LONRF3: variants seen among roughly 807,000 people sequenced by gnomAD.
The protein encoded by LONRF3 is LON peptidase N-terminal domain and RING finger protein 3.
In LONRF3, 19 loss-of-function variants were observed where a neutral mutation model predicts 51.7. That is an observed-to-expected ratio of 0.37 (90% CI 0.26 to 0.54). The LOEUF is 0.54. Among genes scored for constraint, LONRF3 ranks in the 20% least tolerant of loss-of-function variants. LONRF3 has a pLI of 0.86. For synonymous variants in LONRF3, 265 were observed against 257.8 expected (o/e 1.03, Z -0.27); for missense variants, 521 against 623.9 (o/e 0.84, Z 1.76).
chrX:118,991,139 A>G (rs768384375), intron 5 of LONRF3, among the ~76,000 whole-genome samples: 2 of 111,730 alleles, frequency 1.8e-5, no homozygotes, highest in Non-Finnish European at 3.8e-5. Context: ...ATTACAGGCC[A>G]CTGCACCCAG....
Position 118,975,067 on chromosome X carries a change from G to T in LONRF3, c.287G>T (p.Arg96Leu). ...GAGGTGTATAGACAGCTCTCCGAGC[G>T]GCAGCAGCTGGTGGCTGAGCAGCTG... Reference protein sequence around the residue: ...ALEVYRQLSERQQLVAEQLEQ... With the variant: ...ALEVYRQLSELQQLVAEQLEQ... Residue 96 changes from arginine to leucine, a missense_variant, in exon 1 of 11, where the codon CGG (arginine) becomes CTG (leucine). Arg to Leu is a moderately radical substitution (Grantham distance 102, BLOSUM62 -2). This residue lies in a region of LONRF3 where 376 missense variants were observed against 376.7 expected (regional missense o/e 1.00). Transcript: ENST00000371628. 8.5e-7 allele frequency: 1 copy of T among 1,174,152 alleles called. No individual in the cohort carries two copies. The highest frequency in any genetic ancestry group is 1.1e-6 in the Non-Finnish European group (1 of 877,040).
Position 119,006,136 on chromosome X carries a change from A to G in LONRF3, c.1431A>G (p.Pro477=). 8.5e-7 allele frequency: 1 copy of G among 1,176,954 alleles called. No individual in the cohort carries two copies. Residue 477 remains proline (P), a synonymous_variant, in exon 6 of 11, where the codon CCA becomes CCG. Coordinates refer to ENST00000371628, the MANE Select transcript of LONRF3 (RefSeq NM_001031855.3). ...CALCMRLFYE[P]VTTPCGHTFC... is the part of the protein sequence containing the mutation. ...TAAATTTCAGATTATTCTATGAGCC[A>G]GTCACAACACCTTGCGGGCATACTT...
At chrX:118,981,966 C>T (rs745526071) in intron 2 of LONRF3, among the ~76,000 whole-genome samples, 1 of 111,766 alleles carries the variant, frequency 8.9e-6, no homozygotes, top group South Asian at 3.7e-4. Context: ...AAGTGAAATG[C>T]TCTTCAAGCC....
chrX:118,996,263 G>A (rs1923860423), intron 5 of LONRF3, among the ~76,000 whole-genome samples: 1 of 111,291 alleles, frequency 9.0e-6, no homozygotes, highest in Admixed American at 9.6e-5. Context: ...ACAAGACAAG[G>A]ATGCCCACTC....
At chrX:118,987,473 T>TTTTTTTTTG (rs1923091035) in intron 3 of LONRF3, among the ~76,000 whole-genome samples, 3 of 94,151 alleles carry the variant, frequency 3.2e-5, no homozygotes, top group Non-Finnish European at 4.2e-5. Context: ...TTTTTTTTTT[T>TTTTTTTTTG]GTAGAGACGG....
chrX:119,006,250 C>G lies in LONRF3; in HGVS notation c.1530+15C>G, dbSNP rs1482045056. 1 of 1,070,507 alleles carries G rather than the reference C, an allele frequency of 9.3e-7. No individual in the cohort carries two copies. The allele number at this position is 1,070,507 out of a possible 1,213,427, so 88.2% of individuals were successfully genotyped here. A position where few individuals can be genotyped will look rare whatever the true frequency, so the allele number is the denominator to read the frequency against. On this transcript the variant is annotated intron_variant, in intron 6 of 10. Coordinates refer to ENST00000371628, the MANE Select transcript of LONRF3 (RefSeq NM_001031855.3). ...GTCTTTCACAGGTAAATCAATATTTCTTTCTTGTTTGGTTTAAATCAGTAT... is the reference window on the plus strand; with the variant it reads ...GTCTTTCACAGGTAAATCAATATTTGTTTCTTGTTTGGTTTAAATCAGTAT...
intron 5 of LONRF3, among the ~76,000 whole-genome samples, chrX:118,993,060 C>A (rs756500930): frequency 5.9e-4 from 65 of 110,945 alleles, no homozygotes; most frequent in Admixed American, 9.6e-4. Context: ...AGAGCCTACC[C>A]AAATGAGAAG....
Position 118,989,464 on chromosome X carries a change from T to G in LONRF3, c.1116T>G (p.Asp372Glu), listed in dbSNP as rs758213769. Residue 372 changes from aspartate (D) to glutamate (E), a missense_variant, in exon 4 of 11, where the codon GAT becomes GAG. Physicochemically the swap from Asp to Glu is conservative, Grantham distance 45 (BLOSUM62 2). This residue lies in a region of LONRF3 where 376 missense variants were observed against 376.7 expected (regional missense o/e 1.00). Transcript: ENST00000371628. ...AGGAGGAAGCAGCAGCCAGGGGAGA[T>G]GGCAGCAGTCTGATGGACCCAGCTA... ...SSQEEAAARG[D>E]GSSLMDPAKV... The G allele has an allele frequency of 6.6e-6, 8 of 1,210,926 alleles. No homozygotes were observed. In the Admixed American group the frequency reaches 1.7e-4, roughly 26 times the overall value.
chrX:119,017,435 A>G (rs767138018), intron 10 of LONRF3, 100 bp from the exon 11 acceptor site: 42 of 818,095 alleles, frequency 5.1e-5, no homozygotes, highest in Non-Finnish European at 6.8e-5. Flanking sequence ...TGCCACATGG[A>G]GTTGTTCTAC....
chrX:118,990,757 T>A (rs928102845), intron 5 of LONRF3, among the ~76,000 whole-genome samples, 197 bp downstream of exon 5: 1 of 112,008 alleles, frequency 8.9e-6, no homozygotes, highest in African/African-American at 3.2e-5. Flanking sequence ...CATTCCTGGC[T>A]CCTGACTTGG....
At chrX:118,982,743 C>T (rs41304512) in intron 2 of LONRF3, 78 bp from the exon 3 acceptor site, 20,185 of 1,133,769 alleles carry the variant, frequency 0.018, 148 homozygotes, top group Non-Finnish European at 0.019. Flanking sequence ...ACAGTGAGTG[C>T]TGTGGGTTAG....
intron 3 of LONRF3, among the ~76,000 whole-genome samples, chrX:118,983,517 G>T (rs1468868023): frequency 8.9e-6 from 1 of 112,456 alleles, no homozygotes; most frequent in African/African-American, 3.2e-5. Flanking sequence ...GCAAGCAGTC[G>T]TTCCAACTCT....
intron 1 of LONRF3, among the ~76,000 whole-genome samples, chrX:118,975,952 C>T (rs1251882197): frequency 3.6e-5 from 4 of 111,986 alleles, no homozygotes; most frequent in Middle Eastern, 4.2e-3. Context: ...CTGTTTCTTT[C>T]TTTTTCGGTG....
chrX:118,979,311 T>TTTTTTTTTTTTA, intron 2 of LONRF3, among the ~76,000 whole-genome samples: 2 of 108,559 alleles, frequency 1.8e-5, no homozygotes, highest in African/African-American at 6.8e-5. Context: ...TTTTTTTTTT[T>TTTTTTTTTTTTA]GAGACGGAGT....
intron 1 of LONRF3, 58 bp downstream of exon 1, chrX:118,975,655 G>A: frequency 3.0e-6 from 3 of 987,927 alleles, no homozygotes; most frequent in East Asian, 3.6e-5. Flanking sequence ...TGAGGGAGCG[G>A]GAGAACAAAC....
chrX:119,005,232 G>C (rs772156533), intron 5 of LONRF3, among the ~76,000 whole-genome samples: 12 of 111,406 alleles, frequency 1.1e-4, no homozygotes, highest in Non-Finnish European at 1.9e-4. Flanking sequence ...CTTGGTGAGT[G>C]CAAGCCCCAC....
chrX:119,001,928 G>A (rs1045960883), intron 5 of LONRF3, among the ~76,000 whole-genome samples: 5 of 112,406 alleles, frequency 4.4e-5, no homozygotes, highest in African/African-American at 1.6e-4. Context: ...ATTAGTTGTA[G>A]ATACAGATTC....
chrX:118,980,461 T>G (rs190928338), intron 2 of LONRF3, among the ~76,000 whole-genome samples: 228 of 112,408 alleles, frequency 2.0e-3, no homozygotes, highest in African/African-American at 7.0e-3. Context: ...AGAACTTTTT[T>G]GGATCTGGAA....
intron 10 of LONRF3, among the ~76,000 whole-genome samples, chrX:119,015,491 A>C (rs766779320): frequency 1.1e-4 from 12 of 111,970 alleles, no homozygotes; most frequent in Middle Eastern, 4.7e-3. Context: ...ATGCAAAGGC[A>C]TCATGAGTTT....
Sources: gnomAD v4.1 joint callset for allele counts (sites outside exome capture counted in the v4.1 genomes callset) on GRCh38, gnomAD v4.1.1 for gene constraint, gnomAD v4.1.1 regional missense constraint, MANE v1.5 for transcripts, NCBI Gene and HGNC (gene_info 2026-07-23, HGNC 2026-07-21) for gene names.